Variants in PHACTR2 observed in about 807,000 individuals in gnomAD.
PHACTR2 encodes the protein chromosome 6 open reading frame 56.
In PHACTR2, 30 loss-of-function variants were observed where a neutral mutation model predicts 76.0. The observed-to-expected ratio is 0.39, with a 90% CI of 0.30 to 0.54. The LOEUF is 0.54. Among genes scored for constraint, PHACTR2 ranks in the 20% least tolerant of loss-of-function variants. The probability of loss-of-function intolerance (pLI) is 0.61; values close to 1 mark genes in which losing one functional copy is unlikely to be tolerated. For missense variants in PHACTR2, 696 were observed against 781.1 expected, an observed-to-expected ratio of 0.89 and a Z score of 1.30; for synonymous variants, 292 against 292.5, an observed-to-expected ratio of 1.00 and a Z score of 0.02.
rs960863208 is a variant in PHACTR2 at position 143,823,566 on chromosome 6, A to C, written c.1923-108A>C. ...TTGTAAACAGTAATTCAGTTGGGGGATATCTGGGGTACCTTTTCATTGTAA... is the reference window on the plus strand; with the variant it reads ...TTGTAAACAGTAATTCAGTTGGGGGCTATCTGGGGTACCTTTTCATTGTAA... On this transcript the variant is annotated intron_variant, in intron 12 of 12. Transcript: ENST00000440869. This position sits in a 1 kb window ranked among gnomAD's most constrained non-coding sequence, Gnocchi z 5.7. 1.4e-6 allele frequency: 1 copy of C among 726,586 alleles called. No individual in the cohort carries two copies. Among genetic ancestry groups the C allele is most frequent in the South Asian group, 1.7e-5 (1 of 59,098 alleles). 45.0% of individuals were successfully genotyped at this position (726,586 alleles called of 1,614,324 possible).
At position 143,697,141 on chromosome 6, in the gene PHACTR2, T is replaced by G. The variant is rs1177323931; in HGVS notation, c.47-14875T>G. ...ATTATCAAAGAATTTAATTTCAGAT[T>G]AAAATGGTTTTATAGTTTTCTATAT... On this transcript the variant is annotated intron_variant, in intron 1 of 12. Coordinates refer to ENST00000440869, the MANE Select transcript of PHACTR2 (RefSeq NM_001100164.2). The surrounding 1 kb of genome is among the most constrained non-coding windows in gnomAD (Gnocchi z 4.4). Among the ~76,000 whole-genome samples, 1 of 152,250 alleles carries G rather than the reference T, an allele frequency of 6.6e-6. No homozygotes were observed. Among genetic ancestry groups the G allele is most frequent in the Non-Finnish European group, 1.5e-5 (1 of 68,030 alleles).
chr6:143,556,749 G>T lies in PHACTR2; in HGVS notation c.217+19542G>T, dbSNP rs774024698. ...TACATCACCACAGGACCACAGCGAC[G>T]CATCACCATGGAATTTTCAGACTCA... On this transcript the variant is annotated intron_variant, in intron 1 of 11. Coordinates refer to the PHACTR2 transcript ENST00000367584. The surrounding 1 kb of genome is among the most constrained non-coding windows in gnomAD (Gnocchi z 4.3). Among the ~76,000 whole-genome samples, 13 of 152,262 alleles carry T rather than the reference G, an allele frequency of 8.5e-5. No homozygotes were observed. The highest frequency in any genetic ancestry group is 2.1e-4 in the South Asian group (1 of 4,828).
rs1582767424 is a variant in PHACTR2, at chr6:143,683,170, C to T, written c.46+4961C>T. On this transcript the variant is annotated intron_variant, in intron 1 of 12. Transcript: ENST00000440869. This position sits in a 1 kb window ranked among gnomAD's most constrained non-coding sequence, Gnocchi z 4.1. ...GCCCTCAAATAGGATGGTTTCGGTA[C>T]CCTCTGGCATCATGCCCTAGGAGGA... 1.3e-5 allele frequency among the ~76,000 whole-genome samples: 2 copies of T among 152,170 alleles called. No individual in the cohort carries two copies. Among genetic ancestry groups the T allele is most frequent in the South Asian group, 4.1e-4 (2 of 4,830 alleles).
rs1775593053 is a variant in PHACTR2, at chr6:143,583,109, T to C, written c.217+45902T>C. Among the ~76,000 whole-genome samples the C allele has an allele frequency of 6.6e-6, 1 of 152,226 alleles. No homozygotes were observed. Among genetic ancestry groups the C allele is most frequent in the African/African-American group, 2.4e-5 (1 of 41,466 alleles). On this transcript the variant is annotated intron_variant, in intron 1 of 11. Transcript: ENST00000367584. The surrounding 1 kb of genome is among the most constrained non-coding windows in gnomAD (Gnocchi z 4.0). ...TTAGAATTTAGTTAAATTTCTATTC[T>C]TGTCTTTGAATATAATGATGGGGCG...
chr6:143,747,642 CT>C (rs754312865), intron 2 of PHACTR2, among the ~76,000 whole-genome samples: 16 of 152,202 alleles, frequency 1.1e-4, no homozygotes, highest in Non-Finnish European at 1.8e-4. Flanking sequence ...AAATCTCGTG[CT>C]ACTGCAGCTG....
At chr6:143,668,482 C>T (rs1337423672) in intron 1 of PHACTR2, among the ~76,000 whole-genome samples, 7 of 152,060 alleles carry the variant, frequency 4.6e-5, no homozygotes, top group African/African-American at 7.2e-5. Context: ...TGGTAGAATT[C>T]GGCTCTGAAT....
chr6:143,747,408 C>T (rs1231765547), intron 2 of PHACTR2, among the ~76,000 whole-genome samples: 9 of 152,220 alleles, frequency 5.9e-5, no homozygotes, highest in Non-Finnish European at 1.2e-4. Flanking sequence ...CGCATCCTCC[C>T]ACCCTGTCTC....
chr6:143,549,003 G>A lies in PHACTR2; in HGVS notation c.217+11796G>A, dbSNP rs1356818083. On this transcript the variant is annotated intron_variant, in intron 1 of 11. Transcript: ENST00000367584. This position sits in a 1 kb window ranked among gnomAD's most constrained non-coding sequence, Gnocchi z 4.2. ...GGTGGGGGCACCTGTGGCTTGAGGAGTATAAAGAGTACAGGGAAGAAGGCT... is the reference window on the plus strand; with the variant it reads ...GGTGGGGGCACCTGTGGCTTGAGGAATATAAAGAGTACAGGGAAGAAGGCT... Among the ~76,000 whole-genome samples, 1 of 151,856 alleles carries A rather than the reference G, an allele frequency of 6.6e-6. No homozygotes were observed. The highest frequency in any genetic ancestry group is 1.5e-5 in the Non-Finnish European group (1 of 67,904).
At chr6:143,720,170 A>G (rs949583699) in intron 2 of PHACTR2, among the ~76,000 whole-genome samples, 2 of 152,108 alleles carry the variant, frequency 1.3e-5, no homozygotes, top group Admixed American at 6.5e-5. Context: ...CATCTATTGT[A>G]TGTGATACAT....
intron 2 of PHACTR2, among the ~76,000 whole-genome samples, chr6:143,729,686 C>T (rs1412972128): frequency 6.6e-6 from 1 of 151,980 alleles, no homozygotes; most frequent in Non-Finnish European, 1.5e-5. Context: ...GTCTTTTGTC[C>T]AATTTTTACT....
At chr6:143,600,990 G>T (rs1775809384) in intron 1 of PHACTR2, among the ~76,000 whole-genome samples, 4 of 152,172 alleles carry the variant, frequency 2.6e-5, no homozygotes, top group Admixed American at 2.6e-4. Flanking sequence ...TTTGAATCCA[G>T]ATCTATCATT....
In PHACTR2 at chr6:143,662,502, A is replaced by G. The variant is rs1001844841; in HGVS notation, c.14-49514A>G. Among the ~76,000 whole-genome samples, 2 of 152,212 alleles carry G rather than the reference A, an allele frequency of 1.3e-5. No homozygotes were observed. Among genetic ancestry groups the G allele is most frequent in the Admixed American group, 1.3e-4 (2 of 15,276 alleles). On this transcript the variant is annotated intron_variant, in intron 1 of 11. Transcript: ENST00000305766. The surrounding 1 kb of genome is among the most constrained non-coding windows in gnomAD (Gnocchi z 4.7). ...TATTTACTCTTCAGAAAGTAAAAAT[A>G]AGTAGTGGGTAGGAGTTCTTCATCT...
Position 143,765,812 on chromosome 6 carries a change from C to T in PHACTR2, c.1232+14C>T, listed in dbSNP as rs747400800. On this transcript the variant is annotated intron_variant, in intron 6 of 12. Coordinates refer to ENST00000440869, the MANE Select transcript of PHACTR2 (RefSeq NM_001100164.2). The surrounding 1 kb of genome is among the most constrained non-coding windows in gnomAD (Gnocchi z 4.1). ...AAATGCAAAATGGTGAGTTGGGGAA[C>T]AAACCCCCTATTTTATCTGAGAACT... 3.1e-6 allele frequency: 5 copies of T among 1,589,680 alleles called. No individual in the cohort carries two copies. In the South Asian group the frequency reaches 5.6e-5, roughly 18 times the overall value.
chr6:143,682,123 T>C (rs1289526195), intron 1 of PHACTR2, among the ~76,000 whole-genome samples: 1 of 152,260 alleles, frequency 6.6e-6, no homozygotes, highest in African/African-American at 2.4e-5. Context: ...AGAGTTTTGA[T>C]AGCAATGATA....
intron 1 of PHACTR2, among the ~76,000 whole-genome samples, chr6:143,701,896 A>G (rs1777921545): frequency 6.6e-6 from 1 of 152,212 alleles, no homozygotes; most frequent in South Asian, 2.1e-4. Context: ...ATGAAGTCAT[A>G]GAATTTTTAA....
At chr6:143,607,486 T>C (rs1209539032), upstream of PHACTR2, among the ~76,000 whole-genome samples, 2 of 152,244 alleles carry the variant, frequency 1.3e-5, no homozygotes, top group African/African-American at 4.8e-5. Context: ...TCTTCACATT[T>C]CTTTAGCCAC....
Position 143,662,618 on chromosome 6 carries a change from C to T in PHACTR2, c.14-49398C>T, listed in dbSNP as rs1469329380. On this transcript the variant is annotated intron_variant, in intron 1 of 11. Coordinates refer to the PHACTR2 transcript ENST00000305766. The surrounding 1 kb of genome is among the most constrained non-coding windows in gnomAD (Gnocchi z 4.7). ...TCTGTATTTTTCCCTGAATGCAAAA[C>T]AGTAATATTTAAATTCACCTTCCTA... 6.6e-6 allele frequency among the ~76,000 whole-genome samples: 1 copy of T among 152,158 alleles called. No individual in the cohort carries two copies. The highest frequency in any genetic ancestry group is 2.4e-5 in the African/African-American group (1 of 41,448).
rs1438797910 is a variant in PHACTR2, at chr6:143,608,463, C to T, written c.13+141C>T. 1 of 790,218 alleles carries T rather than the reference C, an allele frequency of 1.3e-6. No homozygotes were observed. Among genetic ancestry groups the T allele is most frequent in the Admixed American group, 2.0e-5 (1 of 49,964 alleles). 49.0% of individuals were successfully genotyped at this position (790,218 alleles called of 1,614,324 possible). On this transcript the variant is annotated intron_variant, in intron 1 of 11. Transcript: ENST00000305766. The surrounding 1 kb of genome is among the most constrained non-coding windows in gnomAD (Gnocchi z 4.6). ...CTGAGACGCGTGTAATATGTGAACC[C>T]CGATGCATTGTCCACAAGACAATTA...
At chr6:143,538,830 T>A (rs982576177) in intron 1 of PHACTR2, among the ~76,000 whole-genome samples, 2 of 152,204 alleles carry the variant, frequency 1.3e-5, no homozygotes, top group African/African-American at 4.8e-5. Flanking sequence ...ATGAAACAAG[T>A]CAGAACTGTT....
Sources: allele counts gnomAD v4.1 joint callset (sites outside exome capture counted in the v4.1 genomes callset), GRCh38; gene constraint gnomAD v4.1.1; non-coding constraint Gnocchi (gnomAD v3.1); transcripts MANE v1.5; gene names NCBI Gene and HGNC (gene_info 2026-07-23, HGNC 2026-07-21).